Variants in ADAM10 observed in about 807,000 individuals in gnomAD.
ADAM10 encodes disintegrin and metalloproteinase domain-containing protein 10.
Under a neutral mutation model 90.1 loss-of-function variants are expected in ADAM10, and 17 were observed. The ratio of observed to expected loss-of-function variants is 0.19; its 90% CI spans 0.13 to 0.28. The LOEUF is 0.28. ADAM10 is among the 10% of genes least tolerant of loss of function. The pLI, the probability that ADAM10 is intolerant of heterozygous loss-of-function variation, is 1.00. For synonymous variants in ADAM10, 310 were observed against 298.6 expected (o/e 1.04, Z -0.40); for missense variants, 610 against 914.3 (o/e 0.67, Z 4.29).
Position 58,592,969 on chromosome 15 carries a change from T to C in ADAM10, c.*4578A>G, listed in dbSNP as rs1894856289. 1 of 149,374 alleles carries C rather than the reference T, an allele frequency of 6.7e-6. No homozygotes were observed. The highest frequency in any genetic ancestry group is 2.1e-4 in the South Asian group (1 of 4,784). 9.3% of individuals were successfully genotyped at this position (149,374 alleles called of 1,614,324 possible). A position where few individuals can be genotyped will look rare whatever the true frequency, so the allele number is the denominator to read the frequency against. On this transcript the variant is annotated 3_prime_UTR_variant, in exon 16 of 16. Coordinates refer to ENST00000260408, the MANE Select transcript of ADAM10 (RefSeq NM_001110.4). The stretch of plus-strand genomic sequence containing the variant: ...TAATAAACAATGTGGAACCTACATG[T>C]CCAAACAATGGGAAATTGGTTAAGA...
intron 2 of ADAM10, among the ~76,000 whole-genome samples, chr15:58,685,354 G>C (rs914757877): frequency 9.1e-4 from 138 of 151,028 alleles, no homozygotes; most frequent in Non-Finnish European, 1.7e-3. Flanking sequence ...CCAGCTACTT[G>C]GGAGGCTAAG....
intron 11 of ADAM10, among the ~76,000 whole-genome samples, chr15:58,613,673 C>T (rs1234180066): frequency 6.6e-6 from 1 of 151,782 alleles, no homozygotes; most frequent in East Asian, 1.9e-4. Flanking sequence ...TAATAGACAG[C>T]TTCAACAGCA....
intron 2 of ADAM10, among the ~76,000 whole-genome samples, chr15:58,699,061 T>A (rs1898058323): frequency 6.6e-6 from 1 of 152,238 alleles, no homozygotes; most frequent in East Asian, 1.9e-4. Flanking sequence ...AAGCATCTCA[T>A]CATTTACAAG....
chr15:58,699,338 G>C (rs1014671863), intron 2 of ADAM10, among the ~76,000 whole-genome samples: 1 of 152,104 alleles, frequency 6.6e-6, no homozygotes, highest in Non-Finnish European at 1.5e-5. Context: ...TCACCATCAT[G>C]AAAACACACA....
intron 2 of ADAM10, among the ~76,000 whole-genome samples, chr15:58,705,363 G>A (rs1484558283): frequency 2.6e-5 from 4 of 151,968 alleles, no homozygotes; most frequent in Non-Finnish European, 4.4e-5. Context: ...TGATTATAGC[G>A]GTTCTATTAT....
Position 58,614,966 on chromosome 15 carries a change from A to AAAAACAAAAC in ADAM10, c.1512-2985_1512-2976dup, listed in dbSNP as rs745659348. On this transcript the variant is annotated intron_variant, in intron 11 of 15. Transcript: ENST00000260408. ...GAGAAAAAAAGAAAGAAGAATATGCAAAAACAAAACAAAACAAAACAAAAA... is the reference window on the plus strand; with the variant it reads ...GAGAAAAAAAGAAAGAAGAATATGCAAAAACAAAACAAAACAAAACAAAACAAAACAAAAA... 6.6e-5 allele frequency among the ~76,000 whole-genome samples: 10 copies of AAAAACAAAAC among 152,214 alleles called. 1 individual carries two copies. The highest frequency in any genetic ancestry group is 6.5e-4 in the Admixed American group (10 of 15,284).
chr15:58,748,416 C>T (rs1169558262), intron 1 of ADAM10: 6 of 152,328 alleles, frequency 3.9e-5, no homozygotes, highest in Admixed American at 1.3e-4. Flanking sequence ...TAAGTTTACT[C>T]TGGGGCAAGT....
chr15:58,615,994 C>T lies in ADAM10; in HGVS notation c.1512-4003G>A, dbSNP rs566344482. 6.6e-5 allele frequency among the ~76,000 whole-genome samples: 10 copies of T among 151,820 alleles called. No homozygotes were observed. In the South Asian group the frequency reaches 2.1e-3, roughly 32 times the overall value. ...CTGCACTCAAGCCTGGGTGACAGAG[C>T]AAGACCCTGTCTCCAAAAAAAAACT... On this transcript the variant is annotated intron_variant, in intron 11 of 15. Transcript: ENST00000260408.
intron 6 of ADAM10, among the ~76,000 whole-genome samples, chr15:58,644,186 CA>C (rs200835624): frequency 0.038 from 5,766 of 150,908 alleles, 285 homozygotes; most frequent in African/African-American, 0.11. Context: ...CTCCTCTGGC[CA>C]ACAATAAACA....
At chr15:58,720,895 G>T (rs566694404) in intron 1 of ADAM10, among the ~76,000 whole-genome samples, 1 of 152,130 alleles carries the variant, frequency 6.6e-6, no homozygotes, top group Non-Finnish European at 1.5e-5. Context: ...TACTGAATTG[G>T]ATTTAAGTGG....
intron 2 of ADAM10, chr15:58,698,499 C>A (rs547525698): frequency 8.5e-6 from 2 of 235,192 alleles, no homozygotes; most frequent in Non-Finnish European, 1.7e-5. Flanking sequence ...TCGCTTCAGC[C>A]CAGAAGGCAG....
intron 7 of ADAM10, 142 bp downstream of exon 7, chr15:58,643,743 TA>T: frequency 2.9e-6 from 2 of 690,234 alleles, no homozygotes; most frequent in Non-Finnish European, 2.5e-6. Context: ...ATGCCAGGAG[TA>T]AAAAACTGCA....
At chr15:58,610,771 T>C (rs370234080) in intron 13 of ADAM10, 2 of 633,430 alleles carry the variant, frequency 3.2e-6, no homozygotes, top group East Asian at 5.4e-5. Flanking sequence ...TTATGTAAAT[T>C]ACTGCTGTAA....
chr15:58,670,783 C>T (rs1422876302), intron 4 of ADAM10, among the ~76,000 whole-genome samples: 3 of 152,052 alleles, frequency 2.0e-5, no homozygotes, highest in African/African-American at 7.2e-5. Context: ...TTTATATAGT[C>T]ATTTCCCAAT....
intron 11 of ADAM10, among the ~76,000 whole-genome samples, chr15:58,619,500 C>T (rs1295931006): frequency 1.3e-5 from 2 of 152,076 alleles, no homozygotes; most frequent in Non-Finnish European, 2.9e-5. Flanking sequence ...TGATAAATAT[C>T]TGAGGAGATA....
chr15:58,715,016 G>C (rs919967097), intron 2 of ADAM10, among the ~76,000 whole-genome samples: 2 of 152,148 alleles, frequency 1.3e-5, no homozygotes, highest in African/African-American at 4.8e-5. Context: ...GAAATTCTGA[G>C]ACAGAGTGAA....
chr15:58,641,037 T>C, intron 7 of ADAM10, 77 bp from the exon 8 acceptor site: 2 of 1,328,292 alleles, frequency 1.5e-6, no homozygotes, highest in South Asian at 2.4e-5. Flanking sequence ...CACCTTCTTC[T>C]GCGTACACCT....
chr15:58,622,568 A>T (rs74378670), intron 10 of ADAM10, among the ~76,000 whole-genome samples: 1 of 152,158 alleles, frequency 6.6e-6, no homozygotes, highest in Admixed American at 6.5e-5. Flanking sequence ...TTTTATGTAC[A>T]TTAGTTTTGC....
At chr15:58,613,173 G>A (rs1485861106) in intron 11 of ADAM10, among the ~76,000 whole-genome samples, 3 of 152,166 alleles carry the variant, frequency 2.0e-5, no homozygotes, top group African/African-American at 7.2e-5. Flanking sequence ...CCACTGAGGT[G>A]CCTACAGTTA....
Sources: allele counts gnomAD v4.1 joint callset (sites outside exome capture counted in the v4.1 genomes callset), GRCh38; gene constraint gnomAD v4.1.1; transcripts MANE v1.5; gene names NCBI Gene and HGNC (gene_info 2026-07-23, HGNC 2026-07-21).